Variants in PIK3C2G observed in about 807,000 individuals in gnomAD.
The protein encoded by PIK3C2G is phosphatidylinositol-4-phosphate 3-kinase catalytic subunit type 2 gamma.
Under a neutral mutation model 181.1 loss-of-function variants are expected in PIK3C2G, and 168 were observed. That is an observed-to-expected ratio of 0.93 (90% CI 0.82 to 1.05). The LOEUF (loss-of-function observed/expected upper bound fraction) is 1.05, where lower values mean the gene tolerates loss of function less well. Ranked by LOEUF, PIK3C2G falls within the 50% of genes least tolerant of loss-of-function variation. The pLI is 0.00. For synonymous variants in PIK3C2G, 573 were observed against 592.2 expected (o/e 0.97, Z 0.47); for missense variants, 1,869 against 1,732.8 (o/e 1.08, Z -1.40).
intron 20 of PIK3C2G, chr12:18,493,391 G>C (rs1940743830): frequency 6.6e-6 from 1 of 152,262 alleles, no homozygotes. Context: ...CTTATTCTGT[G>C]TCAGAGAGTT....
At chr12:18,481,240 C>G (rs1939532421) in intron 18 of PIK3C2G, among the ~76,000 whole-genome samples, 1 of 152,126 alleles carries the variant, frequency 6.6e-6, no homozygotes, top group Admixed American at 6.5e-5. Context: ...GGCTTGAATT[C>G]TTCCCTGGGT....
intron 15 of PIK3C2G, among the ~76,000 whole-genome samples, chr12:18,393,730 A>G (rs2138070596): frequency 6.6e-6 from 1 of 152,258 alleles, no homozygotes; most frequent in South Asian, 2.1e-4. Flanking sequence ...GTTTTCATAA[A>G]TTAAACAGAC....
chr12:18,349,660 TC>T (rs1452850321), intron 11 of PIK3C2G, among the ~76,000 whole-genome samples: 1 of 152,162 alleles, frequency 6.6e-6, no homozygotes, highest in East Asian at 1.9e-4. Flanking sequence ...CTTAACTTTA[TC>T]CTCTCTATAG....
the PIK3C2G span, among the ~76,000 whole-genome samples, chr12:18,726,447 A>G: frequency 6.6e-6 from 1 of 152,332 alleles, no homozygotes; most frequent in South Asian, 2.1e-4. Context: ...GACCGTGAAC[A>G]TCATGAAGGT....
chr12:18,343,785 T>C (rs1565618453), intron 10 of PIK3C2G, among the ~76,000 whole-genome samples: 1 of 152,210 alleles, frequency 6.6e-6, no homozygotes, highest in East Asian at 1.9e-4. Flanking sequence ...CCAGCTCTAT[T>C]TGAAAGACCA....
At chr12:18,689,344 A>C in the PIK3C2G span, among the ~76,000 whole-genome samples, 1 of 152,212 alleles carries the variant, frequency 6.6e-6, no homozygotes, top group Non-Finnish European at 1.5e-5. Context: ...AATTTAGGGC[A>C]AGCTTGTCCA....
At chr12:18,419,251 G>A (rs961647471) in intron 16 of PIK3C2G, among the ~76,000 whole-genome samples, 1 of 152,144 alleles carries the variant, frequency 6.6e-6, no homozygotes, top group African/African-American at 2.4e-5. Flanking sequence ...TTGTTGTGAT[G>A]TTCCTTTTAT....
At chr12:18,571,016 A>G (rs1172215422) in intron 29 of PIK3C2G, among the ~76,000 whole-genome samples, 1 of 150,744 alleles carries the variant, frequency 6.6e-6, no homozygotes, top group African/African-American at 2.5e-5. Context: ...TACACATTTA[A>G]AATTCGACTC....
At chr12:18,400,857 CTCTT>C (rs1944212409) in intron 16 of PIK3C2G, among the ~76,000 whole-genome samples, 1 of 151,772 alleles carries the variant, frequency 6.6e-6, no homozygotes, top group African/African-American at 2.4e-5. Context: ...GGATGCCTAC[CTCTT>C]TCTTTATATA....
At chr12:18,722,570 CATT>C in the PIK3C2G span, among the ~76,000 whole-genome samples, 2 of 152,014 alleles carry the variant, frequency 1.3e-5, no homozygotes. Flanking sequence ...TAAGGTCAAA[CATT>C]GTGCTTTAAC....
intron 31 of PIK3C2G, among the ~76,000 whole-genome samples, chr12:18,632,404 A>C (rs1056953383): frequency 1.3e-5 from 2 of 152,184 alleles, no homozygotes; most frequent in Admixed American, 6.6e-5. Context: ...CATCCAATGA[A>C]AAGTTAAGAT....
intron 22 of PIK3C2G, among the ~76,000 whole-genome samples, chr12:18,499,509 T>A (rs1321264806): frequency 6.6e-6 from 1 of 152,204 alleles, no homozygotes; most frequent in African/African-American, 2.4e-5. Context: ...CATGGTCACT[T>A]TGTATGTAAT....
At chr12:18,398,991 C>T (rs1420671202) in intron 15 of PIK3C2G, among the ~76,000 whole-genome samples, 1 of 151,532 alleles carries the variant, frequency 6.6e-6, no homozygotes, top group Non-Finnish European at 1.5e-5. Context: ...GTCAGGAGAT[C>T]GAGACCATCC....
chr12:18,676,666 T>A, the PIK3C2G span, among the ~76,000 whole-genome samples: 2,081 of 152,260 alleles, frequency 0.014, 48 homozygotes, highest in African/African-American at 0.048. Context: ...AGGACTATAG[T>A]ATAAGCATTA....
intron 30 of PIK3C2G, among the ~76,000 whole-genome samples, chr12:18,597,143 C>A (rs1032545113): frequency 1.3e-4 from 19 of 151,478 alleles, no homozygotes; most frequent in Admixed American, 6.6e-5. Flanking sequence ...AGAAATCAAG[C>A]AATAAAAAAA....
At chr12:18,411,959 TA>T (rs1263362333) in intron 16 of PIK3C2G, among the ~76,000 whole-genome samples, 1 of 151,940 alleles carries the variant, frequency 6.6e-6, no homozygotes, top group East Asian at 1.9e-4. Flanking sequence ...GGAGAAAATC[TA>T]AAAAAGGAAT....
intron 32 of PIK3C2G, 147 bp downstream of exon 32, chr12:18,640,701 C>T: frequency 1.4e-6 from 1 of 737,216 alleles, no homozygotes; most frequent in South Asian, 1.9e-5. Context: ...GTATGCTGAT[C>T]ACTCTTCTAG....
chr12:18,624,656 G>A (rs1390523860), intron 31 of PIK3C2G, among the ~76,000 whole-genome samples: 1 of 151,560 alleles, frequency 6.6e-6, no homozygotes, highest in African/African-American at 2.4e-5. Context: ...CAGCAGTGAA[G>A]GCATCAGGTC....
chr12:18,587,300 CAAA>C (rs1450148245), intron 29 of PIK3C2G, among the ~76,000 whole-genome samples: 1 of 151,934 alleles, frequency 6.6e-6, no homozygotes, highest in Non-Finnish European at 1.5e-5. Flanking sequence ...TACTATATCT[CAAA>C]AACCCCATTG....
Sources: allele counts gnomAD v4.1 joint callset (sites outside exome capture counted in the v4.1 genomes callset), GRCh38; gene constraint gnomAD v4.1.1; transcripts MANE v1.5; gene names NCBI Gene and HGNC (gene_info 2026-07-23, HGNC 2026-07-21).